Variants in TMC1 observed in about 807,000 individuals in gnomAD.
TMC1 encodes the protein transmembrane channel like 1, also known as transmembrane channel-like protein 1.
In TMC1, 84 loss-of-function variants were observed where a neutral mutation model predicts 105.8. That is an observed-to-expected ratio of 0.79 (90% confidence interval 0.67 to 0.95). The LOEUF is 0.95. TMC1 is among the 40% of genes least tolerant of loss of function. TMC1 has a pLI of 0.00. For synonymous variants in TMC1, 315 were observed against 311.5 expected (o/e 1.01, Z -0.12); for missense variants, 817 against 914.1 (o/e 0.89, Z 1.37).
chr9:72,624,476 G>A (rs1009103724), intron 3 of TMC1, among the ~76,000 whole-genome samples: 1 of 152,136 alleles, frequency 6.6e-6, no homozygotes, highest in African/African-American at 2.4e-5. Context: ...ATTCACTACT[G>A]CTTAGAAGCC....
At chr9:72,747,321 T>C (rs977442905) in intron 10 of TMC1, among the ~76,000 whole-genome samples, 2 of 152,198 alleles carry the variant, frequency 1.3e-5, no homozygotes, top group African/African-American at 2.4e-5. Context: ...ATTTATATTG[T>C]AGTCACACAG....
At chr9:72,656,279 A>G (rs2132156966) in intron 5 of TMC1, 2 of 289,870 alleles carry the variant, frequency 6.9e-6, no homozygotes, top group Non-Finnish European at 1.4e-5. Flanking sequence ...TCAGAGCTCC[A>G]CAACACCTAC....
intron 17 of TMC1, among the ~76,000 whole-genome samples, chr9:72,804,858 T>TATTTTATTA (rs2118236904): frequency 6.6e-6 from 1 of 152,300 alleles, no homozygotes; most frequent in South Asian, 2.1e-4. Flanking sequence ...TTATGTGGGG[T>TATTTTATTA]TTCGGTATTT....
intron 8 of TMC1, among the ~76,000 whole-genome samples, chr9:72,702,052 A>G (rs1162741452): frequency 6.6e-6 from 1 of 152,212 alleles, no homozygotes; most frequent in African/African-American, 2.4e-5. Context: ...TAATGATGCT[A>G]AATTATAGGT....
intron 2 of TMC1, among the ~76,000 whole-genome samples, chr9:72,588,487 G>A (rs1317710031): frequency 6.6e-6 from 1 of 152,156 alleles, no homozygotes; most frequent in African/African-American, 2.4e-5. Context: ...GACCTCAGCT[G>A]TGGCTGTCAG....
intron 13 of TMC1, among the ~76,000 whole-genome samples, chr9:72,786,669 A>G (rs994816921): frequency 1.3e-5 from 2 of 152,200 alleles, no homozygotes; most frequent in Admixed American, 1.3e-4. Context: ...GCTTATAGCT[A>G]TCATGGCCAT....
intron 2 of TMC1, among the ~76,000 whole-genome samples, chr9:72,580,279 T>A (rs559424704): frequency 2.0e-4 from 30 of 152,370 alleles, no homozygotes; most frequent in Admixed American, 2.0e-3. Context: ...TCTCTTTCCT[T>A]GTTTCTTTAC....
At chr9:72,825,608 A>T (rs2118314594) in intron 20 of TMC1, among the ~76,000 whole-genome samples, 1 of 152,328 alleles carries the variant, frequency 6.6e-6, no homozygotes, top group South Asian at 2.1e-4. Flanking sequence ...AACTACGTTC[A>T]TCAGCTATGA....
intron 10 of TMC1, among the ~76,000 whole-genome samples, chr9:72,750,082 G>A (rs1827555590): frequency 6.6e-6 from 1 of 152,148 alleles, no homozygotes; most frequent in South Asian, 2.1e-4. Context: ...ACTCCAACCT[G>A]GGTGACAAGG....
intron 18 of TMC1, among the ~76,000 whole-genome samples, chr9:72,806,375 C>T (rs71506001): frequency 1.3e-3 from 154 of 114,812 alleles, no homozygotes; most frequent in Middle Eastern, 9.3e-3. Flanking sequence ...CCCTCCCGGA[C>T]GGGGCGGCTG....
chr9:72,801,568 G>A (rs988040549), intron 17 of TMC1, among the ~76,000 whole-genome samples: 1 of 152,140 alleles, frequency 6.6e-6, no homozygotes, highest in African/African-American at 2.4e-5. Context: ...ATATTTGGTG[G>A]CCTTTTATGA....
intron 17 of TMC1, among the ~76,000 whole-genome samples, chr9:72,796,256 C>G (rs1828365868): frequency 6.6e-6 from 1 of 152,016 alleles, no homozygotes; most frequent in South Asian, 2.1e-4. Context: ...ATAGCCCAGG[C>G]CCTGATGAAT....
chr9:72,612,493 TA>T (rs1564444403), intron 2 of TMC1, among the ~76,000 whole-genome samples: 12 of 150,148 alleles, frequency 8.0e-5, no homozygotes, highest in African/African-American at 3.0e-4. Flanking sequence ...TTTTTTTTTG[TA>T]AAAAGCCAGG....
At chr9:72,831,443 A>T (rs113412354) in intron 23 of TMC1, among the ~76,000 whole-genome samples, 2,574 of 151,628 alleles carry the variant, frequency 0.017, 34 homozygotes, top group Non-Finnish European at 0.026. Flanking sequence ...ATATATATAT[A>T]TTTTTTAATT....
chr9:72,583,864 G>C (rs17637820), intron 2 of TMC1, among the ~76,000 whole-genome samples: 68,114 of 151,724 alleles, frequency 0.45, 17,291 homozygotes, highest in African/African-American at 0.7. Flanking sequence ...TATGGAAAAA[G>C]TAGTGTACAA....
intron 4 of TMC1, among the ~76,000 whole-genome samples, chr9:72,647,102 A>G (rs1027141318): frequency 2.0e-5 from 3 of 149,538 alleles, no homozygotes; most frequent in African/African-American, 7.4e-5. Context: ...AGAGCATGCC[A>G]CTGCACTCTA....
At chr9:72,819,413 CACTT>C (rs1218464951) in intron 19 of TMC1, among the ~76,000 whole-genome samples, 1 of 152,198 alleles carries the variant, frequency 6.6e-6, no homozygotes, top group African/African-American at 2.4e-5. Context: ...CTGGGACTAT[CACTT>C]GCTTACTTGC....
At chr9:72,745,593 G>A (rs1038818383) in intron 10 of TMC1, among the ~76,000 whole-genome samples, 1 of 152,068 alleles carries the variant, frequency 6.6e-6, no homozygotes, top group Admixed American at 6.5e-5. Context: ...TGATAACCAT[G>A]AGGCTTTGGG....
chr9:72,584,267 CT>C (rs11374672), intron 2 of TMC1, among the ~76,000 whole-genome samples: 1,915 of 138,064 alleles, frequency 0.014, 38 homozygotes, highest in African/African-American at 0.044. Flanking sequence ...AATGTCACTA[CT>C]TTTTTTTTTT....
Sources: allele counts gnomAD v4.1 joint callset (sites outside exome capture counted in the v4.1 genomes callset), GRCh38; gene constraint gnomAD v4.1.1; transcripts MANE v1.5; gene names NCBI Gene and HGNC (gene_info 2026-07-23, HGNC 2026-07-21).